Variants in GRID1 observed in about 807,000 individuals in gnomAD.
The protein encoded by GRID1 is glutamate receptor ionotropic, delta-1.
A neutral mutation model predicts 98.0 loss-of-function variants in GRID1; 28 were observed. That is an observed-to-expected ratio of 0.29 (90% CI 0.21 to 0.39). The LOEUF (loss-of-function observed/expected upper bound fraction) is 0.39, where lower values mean the gene tolerates loss of function less well. Ranked by LOEUF, GRID1 falls within the 10% of genes least tolerant of loss-of-function variation. The pLI, the probability that GRID1 is intolerant of heterozygous loss-of-function variation, is 1.00. For synonymous variants in GRID1, 553 were observed against 538.5 expected, an observed-to-expected ratio of 1.03 and a Z score of -0.37; for missense variants, 1,111 against 1,340.5, an observed-to-expected ratio of 0.83 and a Z score of 2.67.
chr10:85,958,687 G>A (rs542573999), intron 4 of GRID1, among the ~76,000 whole-genome samples: 1 of 152,282 alleles, frequency 6.6e-6, no homozygotes, highest in African/African-American at 2.4e-5. Context: ...TCCAGGCGTG[G>A]TGGCTCACAC....
At chr10:85,643,784 G>T (rs994409741) in intron 13 of GRID1, among the ~76,000 whole-genome samples, 2 of 152,030 alleles carry the variant, frequency 1.3e-5, no homozygotes, top group African/African-American at 4.8e-5. Flanking sequence ...CCAGCTTGGG[G>T]TTCATAAAAT....
intron 4 of GRID1, among the ~76,000 whole-genome samples, chr10:85,947,666 TA>T (rs1027085662): frequency 3.7e-4 from 57 of 152,254 alleles, no homozygotes; most frequent in Non-Finnish European, 2.1e-4. Flanking sequence ...CAGAATTTTC[TA>T]AAAAATGCTT....
chr10:86,132,621 C>G (rs897418288), intron 4 of GRID1, among the ~76,000 whole-genome samples: 1 of 152,272 alleles, frequency 6.6e-6, no homozygotes, highest in East Asian at 1.9e-4. Flanking sequence ...GTGATAAAGT[C>G]GTCTGCTAAA....
At chr10:85,604,559 C>T (rs188990550) in intron 15 of GRID1, among the ~76,000 whole-genome samples, 10 of 152,240 alleles carry the variant, frequency 6.6e-5, no homozygotes, top group Non-Finnish European at 7.4e-5. Context: ...TGGCAAGTGT[C>T]GTCGGGAAAT....
chr10:85,793,270 C>T (rs1288668654), intron 8 of GRID1, among the ~76,000 whole-genome samples: 1 of 152,182 alleles, frequency 6.6e-6, no homozygotes, highest in Admixed American at 6.5e-5. Flanking sequence ...GCATCTTCTG[C>T]TGGATCCTTA....
chr10:85,793,869 C>T (rs972604747), intron 8 of GRID1, among the ~76,000 whole-genome samples: 41 of 151,952 alleles, frequency 2.7e-4, no homozygotes. Flanking sequence ...CTGGGTCCTA[C>T]CAGGAATGAC....
chr10:85,601,878 TG>T lies in GRID1; in HGVS notation c.*394del, dbSNP rs1312062008. 1 of 175,674 alleles carries T rather than the reference TG, an allele frequency of 5.7e-6. No homozygotes were observed. The highest frequency in any genetic ancestry group is 1.6e-4 in the East Asian group (1 of 6,372). 10.9% of individuals were successfully genotyped at this position (175,674 alleles called of 1,614,324 possible). ...GTGGGACAAGGCAGCGAGTGGCATG[TG>T]GGGTTCCTCGTCTTCCCTTCTCCCC... On this transcript the variant is annotated 3_prime_UTR_variant, in exon 16 of 16. Transcript: ENST00000327946.
chr10:85,743,582 C>A (rs1564577238), intron 8 of GRID1, among the ~76,000 whole-genome samples: 1 of 151,970 alleles, frequency 6.6e-6, no homozygotes, highest in Non-Finnish European at 1.5e-5. Context: ...TTTAGTGGAA[C>A]CAAAACTCAA....
intron 4 of GRID1, among the ~76,000 whole-genome samples, chr10:86,104,593 G>A (rs1844352429): frequency 6.6e-6 from 1 of 152,242 alleles, no homozygotes; most frequent in African/African-American, 2.4e-5. Flanking sequence ...TGCGGCCAGA[G>A]AACATTTCCA....
chr10:86,128,097 G>GCCA (rs1443800357), intron 4 of GRID1, among the ~76,000 whole-genome samples: 1 of 152,124 alleles, frequency 6.6e-6, no homozygotes. Flanking sequence ...CTTCCTCTGT[G>GCCA]CCACCAGCAG....
At chr10:86,235,490 A>G (rs1489708625) in intron 2 of GRID1, among the ~76,000 whole-genome samples, 2 of 152,190 alleles carry the variant, frequency 1.3e-5, no homozygotes, top group African/African-American at 4.8e-5. Flanking sequence ...CCCACTATCC[A>G]GTTTTACAAT....
intron 13 of GRID1, among the ~76,000 whole-genome samples, chr10:85,630,204 G>A (rs1842960215): frequency 6.6e-6 from 1 of 152,116 alleles, no homozygotes; most frequent in Non-Finnish European, 1.5e-5. Flanking sequence ...GCACGGCATG[G>A]TATGTTGGCA....
At chr10:86,009,000 C>A (rs1809513422) in intron 4 of GRID1, among the ~76,000 whole-genome samples, 2 of 152,094 alleles carry the variant, frequency 1.3e-5, no homozygotes, top group Non-Finnish European at 2.9e-5. Flanking sequence ...ACAAAGGAGA[C>A]ACCATTCACA....
chr10:86,143,496 A>G (rs1845039172), intron 3 of GRID1, among the ~76,000 whole-genome samples: 1 of 152,126 alleles, frequency 6.6e-6, no homozygotes, highest in African/African-American at 2.4e-5. Flanking sequence ...CCACACAGTT[A>G]GTGCCCCTTC....
At chr10:86,171,212 A>C (rs1457619977) in intron 3 of GRID1, among the ~76,000 whole-genome samples, 3 of 152,224 alleles carry the variant, frequency 2.0e-5, no homozygotes, top group Non-Finnish European at 2.9e-5. Context: ...GCAAGAGCTT[A>C]AATTAAAGGG....
At chr10:85,976,180 T>C (rs1842470175) in intron 4 of GRID1, among the ~76,000 whole-genome samples, 1 of 152,248 alleles carries the variant, frequency 6.6e-6, no homozygotes, top group Non-Finnish European at 1.5e-5. Context: ...AATTTGATTA[T>C]TGTTTTTTTT....
At chr10:85,866,385 G>A (rs1843221895) in intron 6 of GRID1, among the ~76,000 whole-genome samples, 1 of 148,442 alleles carries the variant, frequency 6.7e-6, no homozygotes, top group Admixed American at 6.7e-5. Flanking sequence ...CAGTAATGAT[G>A]ATAATAGGTT....
chr10:86,315,516 A>G (rs1847886026), intron 2 of GRID1, among the ~76,000 whole-genome samples: 1 of 152,152 alleles, frequency 6.6e-6, no homozygotes, highest in South Asian at 2.1e-4. Flanking sequence ...CACACAAGGA[A>G]CTGGATTTTG....
At chr10:86,222,555 G>A (rs1433267225) in intron 2 of GRID1, among the ~76,000 whole-genome samples, 1 of 152,136 alleles carries the variant, frequency 6.6e-6, no homozygotes, top group Non-Finnish European at 1.5e-5. Context: ...CAGCAGCTGG[G>A]GAGCAGGCCT....
Sources: gnomAD v4.1 joint callset for allele counts (sites outside exome capture counted in the v4.1 genomes callset) on GRCh38, gnomAD v4.1.1 for gene constraint, MANE v1.5 for transcripts, NCBI Gene and HGNC (gene_info 2026-07-23, HGNC 2026-07-21) for gene names.